The following CTNNA2 variants were observed in gnomAD, a reference collection of about 807,000 sequenced individuals.
CTNNA2 encodes catenin alpha-2.
A neutral mutation model predicts 101.0 loss-of-function variants in CTNNA2; 42 were observed. The observed-to-expected ratio is 0.42, with a 90% CI of 0.32 to 0.54. The LOEUF (loss-of-function observed/expected upper bound fraction) is 0.54, where lower values mean the gene tolerates loss of function less well. Ranked by LOEUF, CTNNA2 falls within the 20% of genes least tolerant of loss-of-function variation. The pLI, the probability that CTNNA2 is intolerant of heterozygous loss-of-function variation, is 0.14. For synonymous variants in CTNNA2, 450 were observed against 456.4 expected, an observed-to-expected ratio of 0.99 and a Z score of 0.18; for missense variants, 871 against 1,223.1, an observed-to-expected ratio of 0.71 and a Z score of 4.29.
intron 1 of CTNNA2, among the ~76,000 whole-genome samples, chr2:79,534,554 A>G (rs1297324658): frequency 2.0e-5 from 3 of 151,990 alleles, no homozygotes; most frequent in African/African-American, 7.2e-5. Flanking sequence ...TGTAAGCCTC[A>G]TAGAGTTGAG....
Position 79,625,751 on chromosome 2 carries a change from G to A in CTNNA2, c.-5-25801G>A, listed in dbSNP as rs1679264278. On this transcript the variant is annotated intron_variant, in intron 1 of 18. Coordinates refer to ENST00000402739, the MANE Select transcript of CTNNA2 (RefSeq NM_001282597.3). ...CTGCATCAGGGCCCAGTGACAAAAA[G>A]AGTGAAAACACTGATACTTTGCCTT... is the stretch of plus-strand genomic sequence containing the variant. Among the ~76,000 whole-genome samples the A allele has an allele frequency of 2.6e-5, 4 of 152,138 alleles. No homozygotes were observed. In the South Asian group the frequency reaches 6.2e-4, roughly 24 times the overall value.
chr2:80,572,963 A>G (rs1694731596), intron 12 of CTNNA2: 1 of 152,112 alleles, frequency 6.6e-6, no homozygotes, highest in Admixed American at 6.6e-5. Flanking sequence ...ACATTTTTCC[A>G]GGAATGTTTT....
chr2:80,528,420 T>A (rs1234147591), intron 9 of CTNNA2, among the ~76,000 whole-genome samples: 1 of 152,062 alleles, frequency 6.6e-6, no homozygotes, highest in Non-Finnish European at 1.5e-5. Flanking sequence ...ATGGTCTTGA[T>A]CTCCTGATCT....
intron 9 of CTNNA2, among the ~76,000 whole-genome samples, chr2:80,495,804 G>A (rs980639889): frequency 1.3e-5 from 2 of 151,988 alleles, no homozygotes; most frequent in Non-Finnish European, 2.9e-5. Context: ...GCCGGGCATG[G>A]TGGCAGATGC....
At chr2:80,387,148 G>T (rs1677086555) in intron 7 of CTNNA2, among the ~76,000 whole-genome samples, 1 of 152,034 alleles carries the variant, frequency 6.6e-6, no homozygotes, top group Non-Finnish European at 1.5e-5. Context: ...AATTAGCCGG[G>T]CGTGGTGGCG....
At chr2:79,463,382 A>C (rs1670899792) in intron 4 of CTNNA2, among the ~76,000 whole-genome samples, 1 of 137,246 alleles carries the variant, frequency 7.3e-6, no homozygotes, top group Non-Finnish European at 1.6e-5. Context: ...CACTTGACAG[A>C]GTGAGACTGT....
chr2:80,371,222 A>G (rs902216572), intron 7 of CTNNA2, among the ~76,000 whole-genome samples: 2 of 152,164 alleles, frequency 1.3e-5, no homozygotes, highest in Non-Finnish European at 2.9e-5. Context: ...TTGAGGTAGC[A>G]TGTCCTGAAC....
intron 3 of CTNNA2, among the ~76,000 whole-genome samples, chr2:79,334,911 C>T (rs1676960267): frequency 6.6e-6 from 1 of 152,138 alleles, no homozygotes; most frequent in Non-Finnish European, 1.5e-5. Context: ...AAAACACTCT[C>T]TAGACTTTGC....
chr2:79,228,113 C>T (rs1054453067), intron 2 of CTNNA2, among the ~76,000 whole-genome samples: 5 of 152,180 alleles, frequency 3.3e-5, no homozygotes, highest in African/African-American at 7.2e-5. Context: ...TTGTATTACA[C>T]GGTTTATAAG....
At chr2:80,647,519 CATCACCATTTTG>C in intron 18 of CTNNA2, 54 bp from the exon 19 acceptor site, 7 of 1,280,428 alleles carry the variant, frequency 5.5e-6, no homozygotes, top group Non-Finnish European at 7.6e-6. Flanking sequence ...CGTGAAAGTA[CATCACCATTTTG>C]TGAATTTGGG....
chr2:80,029,218 T>G (rs1695133711), intron 7 of CTNNA2, among the ~76,000 whole-genome samples: 2 of 152,230 alleles, frequency 1.3e-5, no homozygotes, highest in Non-Finnish European at 2.9e-5. Context: ...TTTTAGACAC[T>G]TAACTGCCCT....
chr2:80,428,447 A>G (rs1681190670), intron 9 of CTNNA2, among the ~76,000 whole-genome samples: 1 of 152,222 alleles, frequency 6.6e-6, no homozygotes. Flanking sequence ...GTCAGTGGGA[A>G]GATGCGGCTC....
intron 18 of CTNNA2, among the ~76,000 whole-genome samples, chr2:80,630,288 C>A (rs10460582): frequency 0.55 from 83,217 of 152,046 alleles, 23,199 homozygotes; most frequent in African/African-American, 0.65. Context: ...AATTGTTTTC[C>A]TACCGCTTTT....
chr2:79,366,418 T>TGTGG (rs1019246852), intron 3 of CTNNA2, among the ~76,000 whole-genome samples: 2 of 152,126 alleles, frequency 1.3e-5, no homozygotes, highest in Non-Finnish European at 2.9e-5. Flanking sequence ...GCCTGTTTGG[T>TGTGG]GTGGGTTGTT....
At position 80,303,801 on chromosome 2, in the gene CTNNA2, C is replaced by G. The variant is rs567908272; in HGVS notation, c.1057-89410C>G. Reference sequence around the variant, plus strand: ...CTCAGCAGCCAGTATAGACAGAGACCGAGCAGCAGGAAATCCATTAGCGAG... The same window carrying G: ...CTCAGCAGCCAGTATAGACAGAGACGGAGCAGCAGGAAATCCATTAGCGAG... On this transcript the variant is annotated intron_variant, in intron 7 of 18. Transcript: ENST00000402739. This position sits in a 1 kb window ranked among gnomAD's most constrained non-coding sequence, Gnocchi z 7.7. 1 of 1,514,278 alleles carries G rather than the reference C, an allele frequency of 6.6e-7. No individual in the cohort carries two copies. The highest frequency in any genetic ancestry group is 1.4e-5 in the African/African-American group (1 of 71,854). The allele number at this position is 1,514,278 out of a possible 1,614,324, so 93.8% of individuals were successfully genotyped here.
chr2:79,285,150 C>A (rs1006175140), intron 2 of CTNNA2, among the ~76,000 whole-genome samples: 4 of 151,454 alleles, frequency 2.6e-5, no homozygotes, highest in African/African-American at 9.7e-5. Flanking sequence ...TTCTTTTTTT[C>A]TTTATTAGTC....
At chr2:80,462,360 C>A (rs1427458435) in intron 9 of CTNNA2, among the ~76,000 whole-genome samples, 1 of 152,136 alleles carries the variant, frequency 6.6e-6, no homozygotes, top group African/African-American at 2.4e-5. Flanking sequence ...TACGGGAAGA[C>A]TTGAAAGCAG....
At chr2:80,201,767 G>A in intron 7 of CTNNA2, among the ~76,000 whole-genome samples, 1 of 152,138 alleles carries the variant, frequency 6.6e-6, no homozygotes, top group South Asian at 2.1e-4. Context: ...TGTAGTTAAT[G>A]TATATTCCTT....
chr2:80,444,019 T>C (rs1197742701), intron 9 of CTNNA2, among the ~76,000 whole-genome samples: 1 of 152,178 alleles, frequency 6.6e-6, no homozygotes, highest in African/African-American at 2.4e-5. Context: ...AGGTCTGCTA[T>C]TTGGTAAGAG....
Sources: allele counts gnomAD v4.1 joint callset (sites outside exome capture counted in the v4.1 genomes callset), GRCh38; gene constraint gnomAD v4.1.1; non-coding constraint Gnocchi (gnomAD v3.1); transcripts MANE v1.5; gene names NCBI Gene and HGNC (gene_info 2026-07-23, HGNC 2026-07-21).